Variants in GIPC2 observed in about 807,000 individuals in gnomAD.
GIPC2 encodes PDZ domain-containing protein GIPC2.
A neutral mutation model predicts 30.6 loss-of-function variants in GIPC2; 30 were observed. The ratio of observed to expected loss-of-function variants is 0.98; its 90% CI spans 0.73 to 1.33. The LOEUF (loss-of-function observed/expected upper bound fraction) is 1.33. GIPC2 is among the 40% of genes most tolerant of loss of function. The pLI is 0.00. For synonymous variants in GIPC2, 167 were observed against 150.0 expected, an observed-to-expected ratio of 1.11 and a Z score of -0.83; for missense variants, 414 against 390.3, an observed-to-expected ratio of 1.06 and a Z score of -0.51.
intron 5 of GIPC2, among the ~76,000 whole-genome samples, chr1:78,130,013 A>G (rs1662861315): frequency 6.6e-6 from 1 of 151,606 alleles, no homozygotes; most frequent in Admixed American, 6.6e-5. Context: ...CTTTTGGAGC[A>G]GATATGAAGT....
chr1:78,119,117 G>GT (rs899654990), intron 3 of GIPC2, among the ~76,000 whole-genome samples: 12 of 151,898 alleles, frequency 7.9e-5, no homozygotes, highest in African/African-American at 2.9e-4. Context: ...AGAGCCTACT[G>GT]TTTTTTCTTC....
chr1:78,081,979 G>T (rs934537188), intron 2 of GIPC2, among the ~76,000 whole-genome samples: 1 of 152,070 alleles, frequency 6.6e-6, no homozygotes, highest in African/African-American at 2.4e-5. Flanking sequence ...GCTCATTTGT[G>T]CCCCTTCCCA....
In GIPC2 at chr1:78,069,475, CT is replaced by C. The variant is rs1167457025; in HGVS notation, c.241-11180del. 6.1e-3 allele frequency among the ~76,000 whole-genome samples: 770 copies of C among 127,252 alleles called. 3 individuals are homozygous for C. Among genetic ancestry groups the C allele is most frequent in the African/African-American group, 0.01 (348 of 33,188 alleles). 83.5% of individuals were successfully genotyped at this position (127,252 alleles called of 152,430 possible). On this transcript the variant is annotated intron_variant, in intron 1 of 5. Transcript: ENST00000370759. ...CCCTCATCTAGGGAACCCTGTAGTACTTTTTTTTTTTTTTTTTTTTGAGACA... is the reference window on the plus strand; with the variant it reads ...CCCTCATCTAGGGAACCCTGTAGTACTTTTTTTTTTTTTTTTTTTGAGACA...
intron 3 of GIPC2, among the ~76,000 whole-genome samples, chr1:78,098,954 C>T (rs1430145006): frequency 1.3e-5 from 2 of 152,048 alleles, no homozygotes; most frequent in African/African-American, 4.8e-5. Flanking sequence ...GTTTAAGCCA[C>T]CTAGTCTATG....
chr1:78,045,925 C>A (rs1351737805), upstream of GIPC2: 1 of 1,343,338 alleles, frequency 7.4e-7, no homozygotes, highest in Non-Finnish European at 9.5e-7. Flanking sequence ...GCGGCTGCTC[C>A]GGTCCAGGGG....
At chr1:78,061,888 A>C (rs1271331479) in intron 1 of GIPC2, among the ~76,000 whole-genome samples, 1 of 152,196 alleles carries the variant, frequency 6.6e-6, no homozygotes, top group Non-Finnish European at 1.5e-5. Context: ...AAGTGCTGAG[A>C]TTACAGGCAT....
chr1:78,058,159 C>T (rs908138922), intron 1 of GIPC2, among the ~76,000 whole-genome samples: 3 of 152,008 alleles, frequency 2.0e-5, no homozygotes, highest in African/African-American at 7.2e-5. Context: ...TTAGGAGTGC[C>T]GCTTACTATC....
chr1:78,069,292 C>T (rs994318328), intron 1 of GIPC2, among the ~76,000 whole-genome samples: 7 of 152,122 alleles, frequency 4.6e-5, no homozygotes, highest in Non-Finnish European at 8.8e-5. Flanking sequence ...TCCTCACATA[C>T]ACTCCAGATT....
At chr1:78,130,475 T>C (rs1373053048) in intron 5 of GIPC2, among the ~76,000 whole-genome samples, 1 of 152,188 alleles carries the variant, frequency 6.6e-6, no homozygotes, top group East Asian at 1.9e-4. Flanking sequence ...ATAAAGCCAA[T>C]GAAGTTTTAG....
chr1:78,075,371 A>T (rs1017792530), intron 1 of GIPC2, among the ~76,000 whole-genome samples: 1 of 152,138 alleles, frequency 6.6e-6, no homozygotes. Flanking sequence ...CAGGAGGATC[A>T]CTTGAGCCTG....
intron 3 of GIPC2, among the ~76,000 whole-genome samples, chr1:78,116,872 G>T (rs1362188689): frequency 6.6e-6 from 1 of 152,184 alleles, no homozygotes; most frequent in Admixed American, 6.5e-5. Context: ...TATATACCCA[G>T]TAATGGGATG....
At chr1:78,103,243 A>G (rs1662283956) in intron 3 of GIPC2, among the ~76,000 whole-genome samples, 1 of 152,236 alleles carries the variant, frequency 6.6e-6, no homozygotes, top group Non-Finnish European at 1.5e-5. Context: ...TCTACTAACA[A>G]TAATAGCTAC....
intron 1 of GIPC2, 106 bp from the exon 2 acceptor site, chr1:78,080,569 A>G: frequency 1.5e-6 from 1 of 653,184 alleles, no homozygotes; most frequent in South Asian, 2.4e-5. Context: ...GTAACTCTTT[A>G]CATCATAAAT....
intron 1 of GIPC2, among the ~76,000 whole-genome samples, chr1:78,074,778 G>A (rs1198549818): frequency 6.6e-6 from 1 of 152,186 alleles, no homozygotes; most frequent in Non-Finnish European, 1.5e-5. Flanking sequence ...GATATTGGAA[G>A]TAAGGAGGAG....
chr1:78,100,940 ATAC>A (rs766025472), intron 3 of GIPC2, among the ~76,000 whole-genome samples: 18,591 of 113,066 alleles, frequency 0.16, 1,485 homozygotes, highest in South Asian at 0.27. Context: ...AAAAAAAAAA[ATAC>A]ACACACACAC....
intron 1 of GIPC2, among the ~76,000 whole-genome samples, chr1:78,056,517 G>A (rs1162938510): frequency 6.6e-6 from 1 of 152,098 alleles, no homozygotes; most frequent in Non-Finnish European, 1.5e-5. Context: ...TTAAATACAT[G>A]CAAAATCAAG....
At chr1:78,099,443 CTTT>C (rs1300122222) in intron 3 of GIPC2, among the ~76,000 whole-genome samples, 1 of 143,514 alleles carries the variant, frequency 7.0e-6, no homozygotes, top group Admixed American at 7.0e-5. Context: ...TTTTCTCTTT[CTTT>C]TTTTTTTTTT....
At chr1:78,088,022 A>G (rs533225944) in intron 2 of GIPC2, among the ~76,000 whole-genome samples, 216 of 152,342 alleles carry the variant, frequency 1.4e-3, no homozygotes, top group African/African-American at 5.0e-3. Flanking sequence ...ACTGATCATT[A>G]GAGAAATGCA....
intron 1 of GIPC2, among the ~76,000 whole-genome samples, chr1:78,052,562 G>C (rs974059046): frequency 3.9e-5 from 6 of 152,158 alleles, no homozygotes; most frequent in African/African-American, 1.2e-4. Flanking sequence ...TGAGGAAAGA[G>C]ACTAGCCTTT....
Sources: gnomAD v4.1 joint callset for allele counts (sites outside exome capture counted in the v4.1 genomes callset) on GRCh38, gnomAD v4.1.1 for gene constraint, MANE v1.5 for transcripts, NCBI Gene and HGNC (gene_info 2026-07-23, HGNC 2026-07-21) for gene names.